The following RBFOX3 variants were observed in gnomAD, a reference collection of about 807,000 sequenced individuals.
The protein encoded by RBFOX3 is RNA binding protein fox-1 homolog 3.
In RBFOX3, 17 loss-of-function variants were observed where a neutral mutation model predicts 48.7. That is an observed-to-expected ratio of 0.35 (90% CI 0.24 to 0.52). The LOEUF (loss-of-function observed/expected upper bound fraction) is 0.52. Ranked by LOEUF, RBFOX3 falls within the 20% of genes least tolerant of loss-of-function variation. The pLI is 0.94. For synonymous variants in RBFOX3, 212 were observed against 209.5 expected, an observed-to-expected ratio of 1.01 and a Z score of -0.10; for missense variants, 382 against 497.5, an observed-to-expected ratio of 0.77 and a Z score of 2.21.
At chr17:79,333,203 C>A (rs570640266) in intron 2 of RBFOX3, among the ~76,000 whole-genome samples, 2 of 152,140 alleles carry the variant, frequency 1.3e-5, no homozygotes, top group African/African-American at 4.8e-5. Context: ...CACATTTACA[C>A]GCAGCAGACC....
intron 4 of RBFOX3, among the ~76,000 whole-genome samples, chr17:79,176,773 G>A (rs1256777063): frequency 6.6e-6 from 1 of 152,122 alleles, no homozygotes; most frequent in African/African-American, 2.4e-5. Flanking sequence ...AAATGACCGT[G>A]GCAGAGAGAA....
chr17:79,106,602 A>G, intron 6 of RBFOX3, 49 bp downstream of exon 6: 1 of 1,408,594 alleles, frequency 7.1e-7, no homozygotes, highest in Non-Finnish European at 9.2e-7. Context: ...GCCACCCTGG[A>G]GCTGGGGCAG....
At chr17:79,454,506 AG>A (rs782580070) in intron 2 of RBFOX3, among the ~76,000 whole-genome samples, 25 of 151,754 alleles carry the variant, frequency 1.6e-4, no homozygotes, top group Non-Finnish European at 2.9e-4. Context: ...AAGCCCTCCC[AG>A]CACCCCCAAT....
chr17:79,499,564 C>G (rs1174786819), intron 1 of RBFOX3, among the ~76,000 whole-genome samples: 2 of 152,226 alleles, frequency 1.3e-5, no homozygotes, highest in African/African-American at 4.8e-5. Context: ...ACTACAAAGC[C>G]TGAAATGTGA....
rs556834499 is a variant in RBFOX3, at chr17:79,128,369, G to A, written c.-33-12621C>T. Among the ~76,000 whole-genome samples the A allele has an allele frequency of 9.8e-5, 15 of 152,288 alleles. No individual in the cohort carries two copies. The South Asian group carries it at 3.1e-3, about 32-fold the overall frequency. On this transcript the variant is annotated intron_variant, in intron 4 of 14. Coordinates refer to ENST00000693108, the MANE Select transcript of RBFOX3 (RefSeq NM_001350451.2). The stretch of plus-strand genomic sequence containing the variant: ...TGAGCGTTTTCTACGACCCACTGAG[G>A]TCCCAGAAGCAGGTTTTCCCCAGGT...
chr17:79,542,745 T>C (rs1431044923), intron 1 of RBFOX3, among the ~76,000 whole-genome samples: 4 of 152,234 alleles, frequency 2.6e-5, no homozygotes, highest in African/African-American at 7.2e-5. Flanking sequence ...ATCACACCAC[T>C]GCACTCCAGC....
intron 1 of RBFOX3, among the ~76,000 whole-genome samples, chr17:79,517,891 C>A (rs2085482266): frequency 6.6e-6 from 1 of 152,172 alleles, no homozygotes; most frequent in Non-Finnish European, 1.5e-5. Context: ...CCGGCAGATC[C>A]CTCACCTTCT....
intron 4 of RBFOX3, among the ~76,000 whole-genome samples, chr17:79,141,203 G>T (rs990085561): frequency 6.6e-6 from 1 of 152,212 alleles, no homozygotes; most frequent in African/African-American, 2.4e-5. Context: ...ATTGGGAGGG[G>T]TCAAAAGACT....
intron 1 of RBFOX3, among the ~76,000 whole-genome samples, chr17:79,573,797 C>T (rs1265180888): frequency 2.0e-5 from 3 of 152,212 alleles, no homozygotes; most frequent in Non-Finnish European, 2.9e-5. Context: ...GAGTTTTTCT[C>T]TCTGAATCTG....
intron 2 of RBFOX3, among the ~76,000 whole-genome samples, chr17:79,400,830 C>T (rs903156489): frequency 6.6e-6 from 1 of 152,168 alleles, no homozygotes; most frequent in Admixed American, 6.5e-5. Context: ...GTCAGGCCAC[C>T]TCCGAAGCCA....
rs143076504 is a variant in RBFOX3 at position 79,101,254 on chromosome 17, A to G, written c.568+330T>C. On this transcript the variant is annotated intron_variant, in intron 9 of 14. Coordinates refer to ENST00000693108, the MANE Select transcript of RBFOX3 (RefSeq NM_001350451.2). ...CAAACTCTGGCCCTGGGGGAAAGTC[A>G]GTCCTAATCCAGGAAGGCACAGCTA... Among the ~76,000 whole-genome samples the G allele has an allele frequency of 2.6e-3, 393 of 152,330 alleles. 2 individuals carry two copies. The highest frequency in any genetic ancestry group is 8.9e-3 in the African/African-American group (369 of 41,576).
chr17:79,451,959 T>C (rs2149147985), intron 2 of RBFOX3, among the ~76,000 whole-genome samples: 1 of 152,178 alleles, frequency 6.6e-6, no homozygotes, highest in South Asian at 2.1e-4. Context: ...TCCACACAAA[T>C]TACAGGGGGG....
chr17:79,389,575 C>T (rs1277324498), intron 2 of RBFOX3, among the ~76,000 whole-genome samples: 5 of 152,230 alleles, frequency 3.3e-5, no homozygotes, highest in Admixed American at 6.5e-5. Flanking sequence ...CACCCTGCCT[C>T]GGCCTCAGTG....
At chr17:79,463,700 A>ACCG (rs1568296438) in intron 2 of RBFOX3, among the ~76,000 whole-genome samples, 1 of 117,244 alleles carries the variant, frequency 8.5e-6, no homozygotes, top group East Asian at 2.9e-4. Context: ...CACTGCCATC[A>ACCG]CCACTGCCAC....
chr17:79,267,452 G>A (rs1042637120), intron 3 of RBFOX3, among the ~76,000 whole-genome samples: 3 of 152,014 alleles, frequency 2.0e-5, no homozygotes, highest in African/African-American at 7.2e-5. Flanking sequence ...GTACAGTGGC[G>A]CGATCTCGGC....
At chr17:79,657,168 A>G in the RBFOX3 span, among the ~76,000 whole-genome samples, 2 of 152,158 alleles carry the variant, frequency 1.3e-5, no homozygotes, top group African/African-American at 4.8e-5. Flanking sequence ...GAGGAAGGAG[A>G]GAAGGGAGAG....
chr17:79,569,538 T>C (rs1174582274), intron 1 of RBFOX3, among the ~76,000 whole-genome samples: 2 of 152,248 alleles, frequency 1.3e-5, no homozygotes, highest in Non-Finnish European at 1.5e-5. Context: ...CAGTGAACAT[T>C]GGCATACAAG....
chr17:79,560,745 CCCATGA>C (rs1156684099), intron 1 of RBFOX3, among the ~76,000 whole-genome samples: 3 of 152,220 alleles, frequency 2.0e-5, no homozygotes, highest in Non-Finnish European at 4.4e-5. Flanking sequence ...CACTTCCCCA[CCCATGA>C]CAGCACGGCC....
chr17:79,306,358 A>T (rs1040518788), intron 3 of RBFOX3, among the ~76,000 whole-genome samples: 2 of 152,226 alleles, frequency 1.3e-5, no homozygotes, highest in African/African-American at 4.8e-5. Context: ...GTCCATGCAG[A>T]GCGCCAGCCA....
Sources: gnomAD v4.1 joint callset for allele counts (sites outside exome capture counted in the v4.1 genomes callset) on GRCh38, gnomAD v4.1.1 for gene constraint, MANE v1.5 for transcripts, NCBI Gene and HGNC (gene_info 2026-07-23, HGNC 2026-07-21) for gene names.